The following MYO6 variants were observed in gnomAD, a reference collection of about 807,000 sequenced individuals.
MYO6 encodes unconventional myosin-VI.
In MYO6, 74 loss-of-function variants were observed where a neutral mutation model predicts 178.7. The observed-to-expected ratio is 0.41, with a 90% CI of 0.34 to 0.50. The LOEUF (loss-of-function observed/expected upper bound fraction) is 0.50, where lower values mean the gene tolerates loss of function less well. MYO6 is among the 20% of genes least tolerant of loss of function. The probability of loss-of-function intolerance (pLI) is 0.09; values close to 1 mark genes in which losing one functional copy is unlikely to be tolerated. For synonymous variants in MYO6, 477 were observed against 504.6 expected (o/e 0.95, Z 0.73); for missense variants, 1,330 against 1,547.4 (o/e 0.86, Z 2.36).
At chr6:75,766,560 G>C (rs1455757572) in intron 1 of MYO6, among the ~76,000 whole-genome samples, 1 of 152,098 alleles carries the variant, frequency 6.6e-6, no homozygotes, top group African/African-American at 2.4e-5. Flanking sequence ...GTAGTCAGAT[G>C]CTACTAACAT....
chr6:75,807,866 C>T (rs751936573), intron 1 of MYO6, among the ~76,000 whole-genome samples: 1 of 152,152 alleles, frequency 6.6e-6, no homozygotes, highest in Non-Finnish European at 1.5e-5. Flanking sequence ...CTGACCTCCT[C>T]TCTCATCCTG....
chr6:75,797,114 G>A (rs1768929507), intron 1 of MYO6, among the ~76,000 whole-genome samples: 1 of 152,090 alleles, frequency 6.6e-6, no homozygotes, highest in Admixed American at 6.6e-5. Flanking sequence ...TTTTGAGACA[G>A]AGTCTTGCTC....
rs185952194 is a variant in MYO6 at position 75,853,829 on chromosome 6, A to G, written c.1079-1310A>G. On this transcript the variant is annotated intron_variant, in intron 11 of 34. Transcript: ENST00000369977. The stretch of plus-strand genomic sequence containing the variant: ...ATTTTTTATTATAATGCAAATAAAT[A>G]TAAAGAATAGTTAATCGTTAGTACT... 1.8e-3 allele frequency among the ~76,000 whole-genome samples: 268 copies of G among 152,314 alleles called. 3 individuals carry two copies. Among genetic ancestry groups the G allele is most frequent in the Non-Finnish European group, 3.1e-3 (210 of 68,014 alleles).
chr6:75,905,168 GCTGT>G (rs532585111), intron 30 of MYO6, among the ~76,000 whole-genome samples: 330 of 152,346 alleles, frequency 2.2e-3, no homozygotes, highest in African/African-American at 7.6e-3. Flanking sequence ...AGAGGTTACT[GCTGT>G]CTTTTTGTTT....
rs116571790 is a variant in MYO6 at position 75,879,917 on chromosome 6, A to G, written c.2175A>G (p.Lys725=). The part of the protein sequence containing the change: ...YNMYKKYMPD[K]LARLDPRLFC... Reference sequence around the variant, plus strand: ...TGTACAAAAAGTATATGCCAGATAAACTTGCAAGATTGGATCCAAGACTAT... The same window carrying G: ...TGTACAAAAAGTATATGCCAGATAAGCTTGCAAGATTGGATCCAAGACTAT... Residue 725 remains lysine (K), a synonymous_variant, in exon 21 of 35, where the codon AAA becomes AAG. Transcript: ENST00000369977. 251 of 1,614,116 alleles carry G rather than the reference A, an allele frequency of 1.6e-4. No individual in the cohort carries two copies. In the African/African-American group the frequency reaches 2.5e-3, roughly 16 times the overall value.
At chr6:75,858,600 C>G (rs1182051005) in intron 13 of MYO6, among the ~76,000 whole-genome samples, 1 of 151,918 alleles carries the variant, frequency 6.6e-6, no homozygotes, top group Non-Finnish European at 1.5e-5. Context: ...GATCCTATCT[C>G]AAAAATAAAT....
At chr6:75,789,693 G>C (rs1768036353) in intron 1 of MYO6, among the ~76,000 whole-genome samples, 1 of 152,038 alleles carries the variant, frequency 6.6e-6, no homozygotes, top group Non-Finnish European at 1.5e-5. Flanking sequence ...TGTATATGTA[G>C]TATAATGATC....
At chr6:75,780,935 G>C (rs1766919143) in intron 1 of MYO6, among the ~76,000 whole-genome samples, 3 of 151,626 alleles carry the variant, frequency 2.0e-5, no homozygotes, top group African/African-American at 7.3e-5. Flanking sequence ...AGCCTCCCGA[G>C]TAGAGTAGCT....
intron 1 of MYO6, among the ~76,000 whole-genome samples, chr6:75,813,118 A>G (rs1267346563): frequency 6.6e-6 from 1 of 152,108 alleles, no homozygotes; most frequent in African/African-American, 2.4e-5. Flanking sequence ...CCTTCAGATG[A>G]TTTCTTCTTG....
At chr6:75,821,169 T>G (rs1771833627) in intron 2 of MYO6, among the ~76,000 whole-genome samples, 2 of 152,122 alleles carry the variant, frequency 1.3e-5, no homozygotes, top group South Asian at 4.1e-4. Flanking sequence ...ACTTTCTCAT[T>G]CCAGCAACTC....
At chr6:75,893,149 C>T (rs1453087927) in intron 28 of MYO6, among the ~76,000 whole-genome samples, 1 of 152,076 alleles carries the variant, frequency 6.6e-6, no homozygotes, top group Non-Finnish European at 1.5e-5. Flanking sequence ...GAACTCTACT[C>T]TGCAATGCCT....
At chr6:75,887,839 C>T (rs1296982251) in intron 25 of MYO6, among the ~76,000 whole-genome samples, 19 of 145,158 alleles carry the variant, frequency 1.3e-4, no homozygotes, top group African/African-American at 4.1e-4. Flanking sequence ...ATTAGCCAGG[C>T]GTGATGGGGG....
intron 14 of MYO6, among the ~76,000 whole-genome samples, chr6:75,860,285 TG>T (rs1776091930): frequency 6.6e-6 from 1 of 152,244 alleles, no homozygotes. Flanking sequence ...AAATGAATTC[TG>T]GCATAAACAA....
chr6:75,822,647 T>C lies in MYO6; in HGVS notation c.118-135T>C, dbSNP rs140268739. 3.0e-3 allele frequency: 2,017 copies of C among 670,926 alleles called. 16 individuals are homozygous for C. The highest frequency in any genetic ancestry group is 0.023 in the Middle Eastern group (56 of 2,408). The allele number at this position is 670,926 out of a possible 1,614,324, so 41.6% of individuals were successfully genotyped here. A position where few individuals can be genotyped will look rare whatever the true frequency, so the allele number is the denominator to read the frequency against. ...GTTTTGGGGTTAATGACTTGTTAAA[T>C]AGTATTATCTGTATTATATTTTAAT... On this transcript the variant is annotated intron_variant, in intron 2 of 34. Coordinates refer to ENST00000369977, the MANE Select transcript of MYO6 (RefSeq NM_004999.4).
chr6:75,876,643 G>A (rs1203205072), intron 20 of MYO6, among the ~76,000 whole-genome samples: 4 of 152,160 alleles, frequency 2.6e-5, no homozygotes, highest in African/African-American at 9.7e-5. Flanking sequence ...ATAGGCTACT[G>A]ATGAATGCTT....
chr6:75,775,928 G>A (rs374785870), intron 1 of MYO6, among the ~76,000 whole-genome samples: 4 of 152,170 alleles, frequency 2.6e-5, no homozygotes, highest in African/African-American at 9.6e-5. Flanking sequence ...TTTTCGTTTT[G>A]TTTTCATGGA....
intron 27 of MYO6, among the ~76,000 whole-genome samples, chr6:75,891,846 T>C (rs1291248769): frequency 6.6e-6 from 1 of 152,158 alleles, no homozygotes; most frequent in African/African-American, 2.4e-5. Flanking sequence ...GTACACATTA[T>C]AGTGAGGAAC....
chr6:75,778,661 A>C (rs1766637005), intron 1 of MYO6, among the ~76,000 whole-genome samples: 1 of 152,154 alleles, frequency 6.6e-6, no homozygotes, highest in Non-Finnish European at 1.5e-5. Flanking sequence ...AAGGCATTGA[A>C]AGTGAACCAG....
intron 28 of MYO6, among the ~76,000 whole-genome samples, chr6:75,894,047 A>T (rs1455585184): frequency 6.6e-6 from 1 of 152,208 alleles, no homozygotes; most frequent in East Asian, 1.9e-4. Flanking sequence ...GAAGTACTGC[A>T]GTTGACAGAG....
Sources: allele counts gnomAD v4.1 joint callset (sites outside exome capture counted in the v4.1 genomes callset), GRCh38; gene constraint gnomAD v4.1.1; transcripts MANE v1.5; gene names NCBI Gene and HGNC (gene_info 2026-07-23, HGNC 2026-07-21).